The following TRAPPC6B variants were observed in gnomAD, a reference collection of about 807,000 sequenced individuals.
TRAPPC6B encodes TRAPP complex subunit 6B.
A neutral mutation model predicts 24.7 loss-of-function variants in TRAPPC6B; 27 were observed. That is an observed-to-expected ratio of 1.09 (90% confidence interval 0.81 to 1.51). The LOEUF (loss-of-function observed/expected upper bound fraction) is 1.51, where lower values mean the gene tolerates loss of function less well. TRAPPC6B is among the 40% of genes most tolerant of loss of function. The pLI is 0.00. For missense variants in TRAPPC6B, 212 were observed against 190.8 expected (o/e 1.11, Z -0.66); for synonymous variants, 80 against 66.6 (o/e 1.20, Z -0.98).
At position 39,170,107 on chromosome 14, in the gene TRAPPC6B, TC is replaced by T; in HGVS notation, c.-13del. On this transcript the variant is annotated 5_prime_UTR_variant, in exon 1 of 6. Coordinates refer to ENST00000330149, the MANE Select transcript of TRAPPC6B (RefSeq NM_001079537.2). ...GCCTCATCCGCCATTTCCTGCTAATTCTTCCAAGCTTCGAGTTTTGGCTCCC... is the reference window on the plus strand; with the variant it reads ...GCCTCATCCGCCATTTCCTGCTAATTTTCCAAGCTTCGAGTTTTGGCTCCC... 1.2e-6 allele frequency: 2 copies of T among 1,614,032 alleles called. No homozygotes were observed. The highest frequency in any genetic ancestry group is 2.7e-5 in the African/African-American group (2 of 75,038).
chr14:39,159,829 T>A (rs899365194), intron 1 of TRAPPC6B, among the ~76,000 whole-genome samples: 4 of 152,138 alleles, frequency 2.6e-5, no homozygotes, highest in African/African-American at 4.8e-5. Flanking sequence ...ATACATTTTT[T>A]TAATTTATTT....
At chr14:39,164,996 T>C (rs1257037143) in intron 1 of TRAPPC6B, among the ~76,000 whole-genome samples, 1 of 152,160 alleles carries the variant, frequency 6.6e-6, no homozygotes, top group Non-Finnish European at 1.5e-5. Context: ...GAGTGCCATG[T>C]TCTCTTCTGT....
At chr14:39,165,942 T>C (rs1011836861) in intron 1 of TRAPPC6B, among the ~76,000 whole-genome samples, 2 of 152,184 alleles carry the variant, frequency 1.3e-5, no homozygotes, top group Admixed American at 1.3e-4. Flanking sequence ...TAGCTGGGAC[T>C]ACATGCGTGC....
intron 1 of TRAPPC6B, 123 bp from the exon 2 acceptor site, chr14:39,159,673 G>T: frequency 3.5e-6 from 2 of 579,226 alleles, no homozygotes; most frequent in Non-Finnish European, 5.4e-6. Context: ...CCCTGAAACA[G>T]TTTAAGAAAA....
At chr14:39,160,827 G>C (rs554446916) in intron 1 of TRAPPC6B, among the ~76,000 whole-genome samples, 1 of 152,090 alleles carries the variant, frequency 6.6e-6, no homozygotes, top group Admixed American at 6.6e-5. Flanking sequence ...AGGAATAACT[G>C]GTATTTATTC....
At position 39,159,508 on chromosome 14, in the gene TRAPPC6B, G is replaced by A. The variant is rs377626365; in HGVS notation, c.124C>T (p.Arg42Ter). 34 of 1,605,118 alleles carry A rather than the reference G, an allele frequency of 2.1e-5. No homozygotes were observed. The highest frequency in any genetic ancestry group is 6.7e-5 in the African/African-American group (5 of 74,710). ...CTTTCTATCAATCCTTGTCCCACTC[G>A]AAACCCCATGTTTTCCAGCTTAGTA... is the stretch of plus-strand genomic sequence containing the variant. Reference protein sequence around the residue: ...CITKLENMGFRVGQGLIERFT... With the variant: ...CITKLENMGF Residue 42 changes from arginine to a stop codon, truncating the protein, a stop_gained, in exon 2 of 6, where the codon CGA becomes TGA. Transcript: ENST00000330149. LOFTEE classifies it high-confidence loss of function.
rs780500679 is a variant in TRAPPC6B at position 39,159,590 on chromosome 14, C to T, written c.82-40G>A. 2.1e-6 allele frequency: 3 copies of T among 1,430,940 alleles called. No individual in the cohort carries two copies. In the South Asian group the frequency reaches 3.9e-5, roughly 19 times the overall value. The allele number at this position is 1,430,940 out of a possible 1,614,324, so 88.6% of individuals were successfully genotyped here. On this transcript the variant is annotated intron_variant, in intron 1 of 5. Coordinates refer to ENST00000330149, the MANE Select transcript of TRAPPC6B (RefSeq NM_001079537.2). ...AATAGTTTTAAATACTTTTAGAATG[C>T]TAGGATGTTAGTATTCAGAAATTGT...
At chr14:39,155,808 A>G (rs1165746325) in intron 3 of TRAPPC6B, among the ~76,000 whole-genome samples, 3 of 152,248 alleles carry the variant, frequency 2.0e-5, no homozygotes, top group African/African-American at 7.2e-5. Flanking sequence ...AAGTGCTGGG[A>G]TTACAGGGGT....
chr14:39,153,465 A>G (rs1481189367), intron 4 of TRAPPC6B, among the ~76,000 whole-genome samples: 1 of 143,472 alleles, frequency 7.0e-6, no homozygotes, highest in East Asian at 2.1e-4. Context: ...CCATCTCTAA[A>G]AAATTTTTTT....
chr14:39,154,458 C>T (rs1038018080), intron 3 of TRAPPC6B, among the ~76,000 whole-genome samples, 164 bp from the exon 4 acceptor site: 4 of 152,184 alleles, frequency 2.6e-5, no homozygotes, highest in Admixed American at 6.6e-5. Context: ...TCTCCTCTGT[C>T]GCCCAGGGTA....
rs2052892035 is a variant in TRAPPC6B at position 39,149,714 on chromosome 14, G to A, written c.*636C>T. The A allele has an allele frequency of 6.6e-6, 1 of 152,124 alleles. No homozygotes were observed. Among genetic ancestry groups the A allele is most frequent in the African/African-American group, 2.4e-5 (1 of 41,430 alleles). The allele number at this position is 152,124 out of a possible 1,614,324, so 9.4% of individuals were successfully genotyped here. A position where few individuals can be genotyped will look rare whatever the true frequency, so the allele number is the denominator to read the frequency against. ...ATACCTAATATTCTTTGGCCCTAGAGTCACTGAATTCACATTTAAACTAAT... is the reference window on the plus strand; with the variant it reads ...ATACCTAATATTCTTTGGCCCTAGAATCACTGAATTCACATTTAAACTAAT... On this transcript the variant is annotated 3_prime_UTR_variant, in exon 6 of 6. Transcript: ENST00000330149.
intron 4 of TRAPPC6B, among the ~76,000 whole-genome samples, chr14:39,152,824 A>T (rs1416685464): frequency 6.6e-6 from 1 of 152,256 alleles, no homozygotes; most frequent in Non-Finnish European, 1.5e-5. Flanking sequence ...AGCTGAAGAA[A>T]CCAAGATCCC....
At position 39,152,027 on chromosome 14, in the gene TRAPPC6B, C is replaced by T. The variant is rs115548854; in HGVS notation, c.352-188G>A. ...AGCTCCCTGGAAACTAAAGCATGGA[C>T]GTAGGACTTAAGACTTAAGCTCAGC... On this transcript the variant is annotated intron_variant, in intron 4 of 5. Transcript: ENST00000330149. Among the ~76,000 whole-genome samples the T allele has an allele frequency of 4.5e-3, 686 of 152,182 alleles. 6 individuals carry two copies. Among genetic ancestry groups the T allele is most frequent in the African/African-American group, 0.015 (622 of 41,516 alleles).
intron 3 of TRAPPC6B, among the ~76,000 whole-genome samples, chr14:39,155,235 T>C (rs574300896): frequency 6.6e-6 from 1 of 151,792 alleles, no homozygotes; most frequent in Admixed American, 6.6e-5. Context: ...GACCTAATTT[T>C]TATTTTTATT....
chr14:39,155,836 T>C (rs1165005719), intron 3 of TRAPPC6B, among the ~76,000 whole-genome samples: 1 of 152,018 alleles, frequency 6.6e-6, no homozygotes, highest in Non-Finnish European at 1.5e-5. Flanking sequence ...CGCGCCCAGC[T>C]TTATTTTTTT....
chr14:39,160,544 G>C (rs150789713), intron 1 of TRAPPC6B, among the ~76,000 whole-genome samples: 4 of 150,336 alleles, frequency 2.7e-5, no homozygotes, highest in African/African-American at 9.8e-5. Flanking sequence ...TCCAGCCTGG[G>C]CAACAGGTTG....
chr14:39,168,029 C>T (rs1297361720), intron 1 of TRAPPC6B, among the ~76,000 whole-genome samples: 2 of 152,096 alleles, frequency 1.3e-5, no homozygotes, highest in Non-Finnish European at 2.9e-5. Flanking sequence ...GCCTGGTCAA[C>T]AGGGTGAAAC....
chr14:39,158,301 AGATTGTC>A lies in TRAPPC6B; in HGVS notation c.244_250del (p.Asp82Ter). The stretch of plus-strand genomic sequence containing the variant: ...TTTAATTACCTGATGATTTGTCCTT[AGATTGTC>A]GATTTGTTTCTTGAATACCGTAGTC... On this transcript the variant is annotated frameshift_variant, in exon 3 of 6. Coordinates refer to ENST00000330149, the MANE Select transcript of TRAPPC6B (RefSeq NM_001079537.2). LOFTEE classifies it high-confidence loss of function. 8 of 1,581,832 alleles carry A rather than the reference AGATTGTC, an allele frequency of 5.1e-6. No individual in the cohort carries two copies. Among genetic ancestry groups the A allele is most frequent in the African/African-American group, 2.7e-5 (2 of 73,690 alleles).
chr14:39,158,181 A>G, intron 3 of TRAPPC6B, 104 bp downstream of exon 3: 1 of 676,798 alleles, frequency 1.5e-6, no homozygotes, highest in Non-Finnish European at 2.4e-6. Context: ...AACATATTCC[A>G]AAGTTAACCA....
Sources: gnomAD v4.1 joint callset for allele counts (sites outside exome capture counted in the v4.1 genomes callset) on GRCh38, gnomAD v4.1.1 for gene constraint, MANE v1.5 for transcripts, NCBI Gene and HGNC (gene_info 2026-07-23, HGNC 2026-07-21) for gene names.